NOL4: variants seen among roughly 807,000 people sequenced by gnomAD.
NOL4 encodes the protein cancer/testis antigen 125.
A neutral mutation model predicts 75.9 loss-of-function variants in NOL4; 17 were observed. The ratio of observed to expected loss-of-function variants is 0.22; its 90% CI spans 0.15 to 0.34. The LOEUF (loss-of-function observed/expected upper bound fraction) is 0.34. Among genes scored for constraint, NOL4 ranks in the 10% least tolerant of loss-of-function variants. The probability of loss-of-function intolerance (pLI) is 1.00; values close to 1 mark genes in which losing one functional copy is unlikely to be tolerated. For missense variants in NOL4, 614 were observed against 793.5 expected (o/e 0.77, Z 2.72); for synonymous variants, 292 against 289.9 (o/e 1.01, Z -0.07).
At chr18:34,136,680 A>G (rs1016372078) in intron 1 of NOL4, among the ~76,000 whole-genome samples, 1 of 152,154 alleles carries the variant, frequency 6.6e-6, no homozygotes. Flanking sequence ...TGCTGAAAAT[A>G]TTTAATATGA....
intron 9 of NOL4, among the ~76,000 whole-genome samples, chr18:33,886,249 T>G (rs567882167): frequency 6.6e-6 from 1 of 151,992 alleles, no homozygotes; most frequent in East Asian, 1.9e-4. Context: ...AATAAATGGC[T>G]GAGTGCAGTG....
At chr18:34,032,003 C>T (rs1434778486) in intron 5 of NOL4, among the ~76,000 whole-genome samples, 1 of 152,352 alleles carries the variant, frequency 6.6e-6, no homozygotes, top group East Asian at 1.9e-4. Flanking sequence ...TGGCAACACA[C>T]TGCACTCTTC....
chr18:34,154,247 T>C (rs980559045), intron 1 of NOL4, among the ~76,000 whole-genome samples: 9 of 151,880 alleles, frequency 5.9e-5, no homozygotes, highest in Non-Finnish European at 8.8e-5. Flanking sequence ...AAAAAATAAT[T>C]GAAATATAAC....
intron 5 of NOL4, among the ~76,000 whole-genome samples, chr18:34,042,731 C>T (rs1020006039): frequency 6.6e-6 from 1 of 151,960 alleles, no homozygotes; most frequent in Non-Finnish European, 1.5e-5. Context: ...TAGTTATCTC[C>T]ATATTACAAA....
chr18:34,178,117 A>T (rs2033711319), intron 1 of NOL4, among the ~76,000 whole-genome samples: 1 of 151,826 alleles, frequency 6.6e-6, no homozygotes, highest in Admixed American at 6.6e-5. Flanking sequence ...ACTAGTTGAG[A>T]CTATTTAGGA....
intron 6 of NOL4, among the ~76,000 whole-genome samples, chr18:33,986,981 C>CA (rs1391800565): frequency 6.6e-6 from 1 of 151,870 alleles, no homozygotes; most frequent in African/African-American, 2.4e-5. Context: ...AATATAGAGA[C>CA]AAAAAACAGG....
chr18:33,988,933 C>T (rs1014742814), intron 6 of NOL4, among the ~76,000 whole-genome samples: 3 of 151,912 alleles, frequency 2.0e-5, no homozygotes, highest in African/African-American at 7.3e-5. Context: ...CACAGTGGCT[C>T]ATGCCTATAA....
At position 34,223,409 on chromosome 18, in the gene NOL4, G is replaced by C. The variant is rs1199722828; in HGVS notation, c.-156C>G. 9.6e-7 allele frequency: 1 copy of C among 1,044,094 alleles called. No individual in the cohort carries two copies. The highest frequency in any genetic ancestry group is 2.7e-5 in the Admixed American group (1 of 36,778). The allele number at this position is 1,044,094 out of a possible 1,614,324, so 64.7% of individuals were successfully genotyped here. Reference sequence around the variant, plus strand: ...TGGGTGGGGGAAGGGATGGGAAGAGGGGAGGAGGGTCCGGTTGGGCACCAG... The same window carrying C: ...TGGGTGGGGGAAGGGATGGGAAGAGCGGAGGAGGGTCCGGTTGGGCACCAG... On this transcript the variant is annotated 5_prime_UTR_variant, in exon 1 of 11. Coordinates refer to ENST00000261592, the MANE Select transcript of NOL4 (RefSeq NM_003787.5).
intron 5 of NOL4, among the ~76,000 whole-genome samples, chr18:34,053,437 A>G (rs1348300530): frequency 6.6e-6 from 1 of 151,998 alleles, no homozygotes; most frequent in Non-Finnish European, 1.5e-5. Flanking sequence ...GTTAGACCCT[A>G]TGAGTGGAAG....
At chr18:34,000,931 C>G (rs893146208) in intron 6 of NOL4, among the ~76,000 whole-genome samples, 1 of 151,950 alleles carries the variant, frequency 6.6e-6, no homozygotes, top group African/African-American at 2.4e-5. Context: ...TGATTTCATA[C>G]TGAATTATTT....
intron 1 of NOL4, among the ~76,000 whole-genome samples, chr18:34,135,372 A>G (rs1185092105): frequency 1.3e-5 from 2 of 152,146 alleles, no homozygotes; most frequent in Non-Finnish European, 2.9e-5. Flanking sequence ...TTATAGGCCT[A>G]TCACAAGTAT....
intron 9 of NOL4, among the ~76,000 whole-genome samples, chr18:33,931,013 T>C (rs866923121): frequency 2.0e-5 from 3 of 152,070 alleles, no homozygotes; most frequent in Non-Finnish European, 2.9e-5. Context: ...AATTTTTATC[T>C]TATGCCACAT....
chr18:33,997,031 AT>A (rs1391676417), intron 6 of NOL4, among the ~76,000 whole-genome samples: 1 of 151,732 alleles, frequency 6.6e-6, no homozygotes, highest in African/African-American at 2.4e-5. Flanking sequence ...TCGCAAATAT[AT>A]TTTTTCCAAT....
intron 9 of NOL4, among the ~76,000 whole-genome samples, chr18:33,914,364 A>T (rs2066589175): frequency 6.6e-6 from 1 of 152,076 alleles, no homozygotes; most frequent in African/African-American, 2.4e-5. Context: ...ATTATAGGAG[A>T]GGAGGTGAGA....
intron 10 of NOL4, among the ~76,000 whole-genome samples, chr18:33,873,402 A>G (rs551149862): frequency 6.6e-6 from 1 of 152,088 alleles, no homozygotes; most frequent in South Asian, 2.1e-4. Flanking sequence ...ACATTTTCCT[A>G]TGACCCTGGT....
chr18:33,995,376 C>T (rs190363675), intron 6 of NOL4, among the ~76,000 whole-genome samples: 1 of 151,506 alleles, frequency 6.6e-6, no homozygotes, highest in Non-Finnish European at 1.5e-5. Flanking sequence ...ATTAGCAAAC[C>T]AAGTCCAGAA....
At chr18:33,992,089 A>G (rs889923393) in intron 6 of NOL4, among the ~76,000 whole-genome samples, 6 of 151,578 alleles carry the variant, frequency 4.0e-5, no homozygotes, top group African/African-American at 1.2e-4. Flanking sequence ...AATGGTTTTT[A>G]TACTTTGGAA....
chr18:33,917,676 T>G (rs1390325941), intron 9 of NOL4, among the ~76,000 whole-genome samples: 1 of 151,866 alleles, frequency 6.6e-6, no homozygotes, highest in East Asian at 1.9e-4. Context: ...TTTTTTATTT[T>G]AATGCTTAGT....
intron 5 of NOL4, among the ~76,000 whole-genome samples, chr18:34,044,501 C>T (rs939761743): frequency 1.3e-5 from 2 of 151,826 alleles, no homozygotes; most frequent in African/African-American, 4.8e-5. Context: ...TTTTGTTATA[C>T]TAAGAAGCTG....
Sources: gnomAD v4.1 joint callset for allele counts (sites outside exome capture counted in the v4.1 genomes callset) on GRCh38, gnomAD v4.1.1 for gene constraint, MANE v1.5 for transcripts, NCBI Gene and HGNC (gene_info 2026-07-23, HGNC 2026-07-21) for gene names.